Variants in CCSAP observed in about 807,000 individuals in gnomAD.
The protein encoded by CCSAP is centriole, cilia and spindle associated protein, also known as centriole, cilia and spindle-associated protein.
Under a neutral mutation model 25.9 loss-of-function variants are expected in CCSAP, and 17 were observed. That is an observed-to-expected ratio of 0.66 (90% CI 0.45 to 0.99). The LOEUF is 0.99. Among genes scored for constraint, CCSAP ranks in the 50% least tolerant of loss-of-function variants. The probability of loss-of-function intolerance (pLI) is 0.00; values close to 1 mark genes in which losing one functional copy is unlikely to be tolerated. For synonymous variants in CCSAP, 169 were observed against 157.1 expected (o/e 1.08, Z -0.57); for missense variants, 339 against 367.8 (o/e 0.92, Z 0.64).
chr1:229,333,395 T>A (rs12142413), intron 2 of CCSAP, among the ~76,000 whole-genome samples: 2 of 141,228 alleles, frequency 1.4e-5, no homozygotes, highest in South Asian at 2.2e-4. Flanking sequence ...ATCGCGCCAC[T>A]GCACTCCAGC....
chr1:229,341,822 C>T (rs113330900), intron 2 of CCSAP, among the ~76,000 whole-genome samples: 11 of 152,228 alleles, frequency 7.2e-5, no homozygotes, highest in African/African-American at 2.6e-4. Context: ...GTTTGCCAAG[C>T]CGCAGAGGCC....
At chr1:229,332,857 A>T (rs547916515) in intron 2 of CCSAP, among the ~76,000 whole-genome samples, 3 of 152,280 alleles carry the variant, frequency 2.0e-5, no homozygotes, top group Non-Finnish European at 4.4e-5. Context: ...ATCATCACAG[A>T]GAGAGCTGTA....
rs967711843 is a variant in CCSAP, at chr1:229,339,864, T to G, written c.367+2235A>C. On this transcript the variant is annotated intron_variant, in intron 2 of 3. Coordinates refer to ENST00000284617, the MANE Select transcript of CCSAP (RefSeq NM_145257.5). ...TGAATCCAACAAACTCTATGAGGACTGTATTGTGCAGGTGTGGAGATGGGC... is the reference window on the plus strand; with the variant it reads ...TGAATCCAACAAACTCTATGAGGACGGTATTGTGCAGGTGTGGAGATGGGC... 2.0e-5 allele frequency among the ~76,000 whole-genome samples: 3 copies of G among 152,142 alleles called. No individual in the cohort carries two copies. The South Asian group carries it at 6.2e-4, about 32-fold the overall frequency.
At chr1:229,337,698 T>TATATATACAC (rs1473619585) in intron 2 of CCSAP, among the ~76,000 whole-genome samples, 3 of 60,696 alleles carry the variant, frequency 4.9e-5, no homozygotes, top group African/African-American at 1.3e-4. Context: ...TATATATATA[T>TATATATACAC]ACACATACAT....
At chr1:229,329,480 T>C (rs1319677614) in intron 2 of CCSAP, among the ~76,000 whole-genome samples, 8 of 152,226 alleles carry the variant, frequency 5.3e-5, no homozygotes, top group Admixed American at 3.9e-4. Context: ...ATTTTATATA[T>C]GCCAAACTCA....
rs529282273 is a variant in CCSAP, at chr1:229,325,021, C to T, written c.*214G>A. The stretch of plus-strand genomic sequence containing the variant: ...TTTAGGGAATTATCTTCATAAATAA[C>T]CAAATGTCTATGGCTTCAACTGTCT... On this transcript the variant is annotated 3_prime_UTR_variant, in exon 4 of 4. Coordinates refer to ENST00000284617, the MANE Select transcript of CCSAP (RefSeq NM_145257.5). 1.8e-5 allele frequency: 8 copies of T among 445,668 alleles called. No individual in the cohort carries two copies. Among genetic ancestry groups the T allele is most frequent in the African/African-American group, 1.6e-4 (8 of 49,910 alleles). 27.6% of individuals were successfully genotyped at this position (445,668 alleles called of 1,614,324 possible).
chr1:229,332,616 T>C (rs2102695154), intron 2 of CCSAP, among the ~76,000 whole-genome samples: 1 of 152,252 alleles, frequency 6.6e-6, no homozygotes, highest in East Asian at 1.9e-4. Flanking sequence ...TCTTAGTAAT[T>C]GGCAGAACAT....
Position 229,324,582 on chromosome 1 carries a change from C to G in CCSAP, c.*653G>C, listed in dbSNP as rs1285084793. ...ATTAAATAATAACTGCCTAGATGAT[C>G]ACTGAAAGAGAAAAAGAGACCCTCG... On this transcript the variant is annotated 3_prime_UTR_variant, in exon 4 of 4. Coordinates refer to ENST00000284617, the MANE Select transcript of CCSAP (RefSeq NM_145257.5). The G allele has an allele frequency of 6.6e-6, 1 of 152,608 alleles. No individual in the cohort carries two copies. The highest frequency in any genetic ancestry group is 1.5e-5 in the Non-Finnish European group (1 of 68,044). The allele number at this position is 152,608 out of a possible 1,614,324, so 9.5% of individuals were successfully genotyped here. A position where few individuals can be genotyped will look rare whatever the true frequency, so the allele number is the denominator to read the frequency against.
At position 229,323,571 on chromosome 1, in the gene CCSAP, C is replaced by T. The variant is rs1657875634; in HGVS notation, c.*1664G>A. 6.6e-6 allele frequency: 1 copy of T among 152,104 alleles called. No individual in the cohort carries two copies. The highest frequency in any genetic ancestry group is 1.5e-5 in the Non-Finnish European group (1 of 68,026). The allele number at this position is 152,104 out of a possible 1,614,324, so 9.4% of individuals were successfully genotyped here. The stretch of plus-strand genomic sequence containing the variant: ...TAAAGACTTTAATAATAGTTAATAC[C>T]AAAATTCACCAGTTACTAGCAAGGC... On this transcript the variant is annotated 3_prime_UTR_variant, in exon 4 of 4. Transcript: ENST00000284617.
chr1:229,326,113 C>T (rs1482007851), intron 3 of CCSAP, among the ~76,000 whole-genome samples: 1 of 152,212 alleles, frequency 6.6e-6, no homozygotes, highest in Non-Finnish European at 1.5e-5. Flanking sequence ...TCTGACTACA[C>T]ACATGAAGGT....
chr1:229,339,893 G>GT (rs1266103209), intron 2 of CCSAP, among the ~76,000 whole-genome samples: 1 of 152,074 alleles, frequency 6.6e-6, no homozygotes, highest in Non-Finnish European at 1.5e-5. Flanking sequence ...GATGGGCCGT[G>GT]TGTGTGTGGG....
At chr1:229,329,864 G>A (rs942276830) in intron 2 of CCSAP, among the ~76,000 whole-genome samples, 5 of 152,142 alleles carry the variant, frequency 3.3e-5, no homozygotes, top group Non-Finnish European at 5.9e-5. Flanking sequence ...GGTGGTACAC[G>A]CCTGTGATCT....
At chr1:229,328,208 TG>T (rs1335560757) in intron 2 of CCSAP, among the ~76,000 whole-genome samples, 2 of 152,252 alleles carry the variant, frequency 1.3e-5, no homozygotes, top group Non-Finnish European at 2.9e-5. Flanking sequence ...GTGACGGGTC[TG>T]GGGCTCCACC....
chr1:229,326,955 C>A lies in CCSAP; in HGVS notation c.419G>T (p.Arg140Ile). Reference protein sequence around the residue: ...EDKPEQQTRTRETDKSPTSTE... With the variant: ...EDKPEQQTRTIETDKSPTSTE... ...ACTGGTGGGTGATTTGTCAGTCTCT[C>A]TTGTTCTGGTTTGTTGTTCAGGTTT... Residue 140 changes from arginine to isoleucine, a missense_variant, in exon 3 of 4, where the codon AGA becomes ATA. By Grantham distance (97) the Arg-to-Ile change is moderately conservative. Coordinates refer to ENST00000284617, the MANE Select transcript of CCSAP (RefSeq NM_145257.5). 1 of 1,614,184 alleles carries A rather than the reference C, an allele frequency of 6.2e-7. No homozygotes were observed. The highest frequency in any genetic ancestry group is 1.1e-5 in the South Asian group (1 of 91,080).
rs1161328938 is a variant in CCSAP, at chr1:229,323,468, A to G, written c.*1767T>C. 1.3e-5 allele frequency: 2 copies of G among 152,236 alleles called. No homozygotes were observed. Among genetic ancestry groups the G allele is most frequent in the African/African-American group, 4.8e-5 (2 of 41,460 alleles). 9.4% of individuals were successfully genotyped at this position (152,236 alleles called of 1,614,324 possible). A position where few individuals can be genotyped will look rare whatever the true frequency, so the allele number is the denominator to read the frequency against. ...CCGAACATGCAAGAAGCGACTTTAA[A>G]GGAACAGTTTTCACAATCAGCTAGC... is the stretch of plus-strand genomic sequence containing the variant. On this transcript the variant is annotated 3_prime_UTR_variant, in exon 4 of 4. Transcript: ENST00000284617.
intron 2 of CCSAP, among the ~76,000 whole-genome samples, chr1:229,331,568 T>C (rs915560124): frequency 2.0e-5 from 3 of 152,004 alleles, no homozygotes; most frequent in African/African-American, 7.3e-5. Context: ...TTTGTTATAA[T>C]GTTGGGTGTG....
intron 2 of CCSAP, among the ~76,000 whole-genome samples, chr1:229,331,386 C>G (rs2102694342): frequency 6.6e-6 from 1 of 152,232 alleles, no homozygotes; most frequent in Non-Finnish European, 1.5e-5. Flanking sequence ...AGGTAAAACT[C>G]ATCACCGTAA....
chr1:229,341,971 G>T, intron 2 of CCSAP, 128 bp downstream of exon 2: 1 of 1,165,046 alleles, frequency 8.6e-7, no homozygotes, highest in Non-Finnish European at 1.1e-6. Context: ...GACGGATTCT[G>T]TCAACCGAAA....
chr1:229,337,804 G>A (rs1295806159), intron 2 of CCSAP, among the ~76,000 whole-genome samples: 6 of 148,232 alleles, frequency 4.0e-5, no homozygotes, highest in African/African-American at 1.5e-4. Context: ...CAAATGGCAA[G>A]TTTCATAGTA....
Sources: gnomAD v4.1 joint callset for allele counts (sites outside exome capture counted in the v4.1 genomes callset) on GRCh38, gnomAD v4.1.1 for gene constraint, MANE v1.5 for transcripts, NCBI Gene and HGNC (gene_info 2026-07-23, HGNC 2026-07-21) for gene names.